ICE2: variants seen among roughly 807,000 people sequenced by gnomAD.
ICE2 encodes the protein interactor of little elongation complex ELL subunit 2.
A neutral mutation model predicts 105.4 loss-of-function variants in ICE2; 87 were observed. The ratio of observed to expected loss-of-function variants is 0.83; its 90% CI spans 0.69 to 0.99. ICE2 has a LOEUF of 0.99. ICE2 is among the 50% of genes least tolerant of loss of function. The probability of loss-of-function intolerance (pLI) is 0.00; values close to 1 mark genes in which losing one functional copy is unlikely to be tolerated. For synonymous variants in ICE2, 399 were observed against 392.0 expected (o/e 1.02, Z -0.21); for missense variants, 1,323 against 1,146.7 (o/e 1.15, Z -2.22).
chr15:60,427,056 G>A (rs1319046836), intron 15 of ICE2, among the ~76,000 whole-genome samples: 2 of 152,160 alleles, frequency 1.3e-5, no homozygotes, highest in African/African-American at 2.4e-5. Flanking sequence ...CTTGGCCAAA[G>A]CTAAGTAGGA....
intron 5 of ICE2, among the ~76,000 whole-genome samples, chr15:60,458,733 G>A (rs1022562463): frequency 8.6e-5 from 13 of 151,628 alleles, no homozygotes; most frequent in Admixed American, 1.3e-4. Context: ...ATACACACGC[G>A]CACACACAAA....
intron 11 of ICE2, among the ~76,000 whole-genome samples, chr15:60,443,288 A>T (rs2063758233): frequency 6.6e-6 from 1 of 152,226 alleles, no homozygotes; most frequent in Non-Finnish European, 1.5e-5. Context: ...GTCTATTTCC[A>T]GTTGCAGAAA....
At chr15:60,447,858 C>A in intron 11 of ICE2, 112 bp downstream of exon 11, 3 of 852,572 alleles carry the variant, frequency 3.5e-6, no homozygotes, top group Non-Finnish European at 5.4e-6. Context: ...CAAAACTCAA[C>A]CTGAAGATAC....
chr15:60,466,810 TAATTA>T lies in ICE2; in HGVS notation c.409-102_409-98del, dbSNP rs1475473239. On this transcript the variant is annotated intron_variant, in intron 4 of 15. Transcript: ENST00000261520. ...GCTATAATAATTTGGACTTAAAGAA[TAATTA>T]AAGTATCAAATCCAAAGCAGAAATC... The T allele has an allele frequency of 3.0e-6, 3 of 1,000,354 alleles. No homozygotes were observed. The African/African-American group carries it at 4.9e-5, about 16-fold the overall frequency. 62.0% of individuals were successfully genotyped at this position (1,000,354 alleles called of 1,614,324 possible).
At chr15:60,462,168 G>A (rs1271131005) in intron 5 of ICE2, among the ~76,000 whole-genome samples, 1 of 152,134 alleles carries the variant, frequency 6.6e-6, no homozygotes, top group African/African-American at 2.4e-5. Flanking sequence ...GTAAGGGAAA[G>A]CATATCTTTT....
At chr15:60,478,971 C>G (rs1344476462) in intron 1 of ICE2, 32 bp downstream of exon 1, 5 of 455,766 alleles carry the variant, frequency 1.1e-5, no homozygotes, top group Non-Finnish European at 2.2e-5. Flanking sequence ...CTCCCGTCCG[C>G]GTCTGGGCTG....
At chr15:60,476,225 G>C in intron 2 of ICE2, 58 bp from the exon 3 acceptor site, 1 of 1,043,058 alleles carries the variant, frequency 9.6e-7, no homozygotes, top group Admixed American at 2.2e-5. Context: ...GCTAGACTAT[G>C]ACACATAATG....
At chr15:60,432,340 A>C (rs1216020992) in intron 13 of ICE2, among the ~76,000 whole-genome samples, 1 of 151,748 alleles carries the variant, frequency 6.6e-6, no homozygotes, top group East Asian at 2.0e-4. Flanking sequence ...GGCATGCGCC[A>C]CCACACCAGG....
rs1359214744 is a variant in ICE2, at chr15:60,456,552, T to TA, written c.666+104dup. The TA allele has an allele frequency of 6.3e-5, 5 of 79,986 alleles. 1 individual carries two copies. The highest frequency in any genetic ancestry group is 1.3e-4 in the African/African-American group (3 of 23,626). 5.0% of individuals were successfully genotyped at this position (79,986 alleles called of 1,614,324 possible). A position where few individuals can be genotyped will look rare whatever the true frequency, so the allele number is the denominator to read the frequency against. On this transcript the variant is annotated intron_variant, in intron 6 of 15. Transcript: ENST00000261520. ...GAGACTCTGTCTCCAAAAAAAAAAA[T>TA]AAATAAATAAATAAATATATATATA... is the stretch of plus-strand genomic sequence containing the variant.
chr15:60,425,049 C>T (rs2063311735), intron 15 of ICE2, among the ~76,000 whole-genome samples: 1 of 152,148 alleles, frequency 6.6e-6, no homozygotes, highest in Admixed American at 6.6e-5. Flanking sequence ...TAGTGTAACT[C>T]CAAGCACTCT....
At chr15:60,431,881 T>A (rs2063468046) in intron 14 of ICE2, 53 bp downstream of exon 14, 1 of 1,015,768 alleles carries the variant, frequency 9.8e-7, no homozygotes, top group East Asian at 2.6e-5. Flanking sequence ...TTCTAAGAAT[T>A]TTCATCTAAG....
chr15:60,451,181 G>A, intron 9 of ICE2: 3 of 675,442 alleles, frequency 4.4e-6, no homozygotes, highest in Non-Finnish European at 5.5e-6. Context: ...ATGAGATACT[G>A]TCTCTAAGTA....
chr15:60,449,673 G>C lies in ICE2; in HGVS notation c.1294C>G (p.Pro432Ala), dbSNP rs146910394. 2.9e-5 allele frequency: 46 copies of C among 1,613,960 alleles called. No homozygotes were observed. The highest frequency in any genetic ancestry group is 3.8e-5 in the Non-Finnish European group (45 of 1,180,030). ...GTAGTTCCTGCTTTGGGGGCTGTAGGAGCATCTGTCATGTTAGGTACTGTG... is the reference window on the plus strand; with the variant it reads ...GTAGTTCCTGCTTTGGGGGCTGTAGCAGCATCTGTCATGTTAGGTACTGTG... Reference protein sequence around the residue: ...TSTVPNMTDAPTAPKAGTTTV... With the variant: ...TSTVPNMTDAATAPKAGTTTV... Residue 432 changes from proline (P) to alanine (A), a missense_variant, in exon 10 of 16, where the codon CCT (proline) becomes GCT (alanine). Transcript: ENST00000261520.
intron 3 of ICE2, among the ~76,000 whole-genome samples, chr15:60,474,137 A>G (rs1293949368): frequency 6.6e-6 from 1 of 152,076 alleles, no homozygotes; most frequent in Non-Finnish European, 1.5e-5. Flanking sequence ...GCCTCAAGTC[A>G]TCTTCCTGCC....
intron 6 of ICE2, among the ~76,000 whole-genome samples, chr15:60,456,030 CA>C (rs1252464787): frequency 3.3e-5 from 5 of 151,800 alleles, no homozygotes; most frequent in African/African-American, 1.2e-4. Flanking sequence ...CACTTATTTC[CA>C]ATATGTTTGT....
chr15:60,475,473 A>G (rs1033229328), intron 3 of ICE2, among the ~76,000 whole-genome samples: 1 of 152,214 alleles, frequency 6.6e-6, no homozygotes, highest in African/African-American at 2.4e-5. Flanking sequence ...AAAAAAGAAG[A>G]AAAGGGAACA....
rs1195688308 is a variant in ICE2, at chr15:60,455,225, CA to C, written c.784-64del. 8 of 1,525,082 alleles carry C rather than the reference CA, an allele frequency of 5.2e-6. No individual in the cohort carries two copies. In the African/African-American group the frequency reaches 8.4e-5, roughly 16 times the overall value. 94.5% of individuals were successfully genotyped at this position (1,525,082 alleles called of 1,614,324 possible). A position where few individuals can be genotyped will look rare whatever the true frequency, so the allele number is the denominator to read the frequency against. ...TATTGAAAATTTCTTCAATAAAGAA[CA>C]AAAAAAGTCAGAAAGGGGACTTTGG... On this transcript the variant is annotated intron_variant, in intron 7 of 15. Coordinates refer to ENST00000261520, the MANE Select transcript of ICE2 (RefSeq NM_024611.6).
At chr15:60,451,496 G>C (rs904311599) in intron 9 of ICE2, 4 of 984,504 alleles carry the variant, frequency 4.1e-6, no homozygotes, top group Non-Finnish European at 4.8e-6. Context: ...CAAATTGTTG[G>C]ACCACAGAAA....
rs559464646 is a variant in ICE2 at position 60,437,456 on chromosome 15, C to T, written c.2426-1229G>A. 3.6e-3 allele frequency among the ~76,000 whole-genome samples: 539 copies of T among 151,088 alleles called. 2 individuals carry two copies. Among genetic ancestry groups the T allele is most frequent in the Non-Finnish European group, 5.3e-3 (358 of 67,720 alleles). Reference sequence around the variant, plus strand: ...TTCAAGCGATCCTGCCTCAGCCTGCCGAGTAGATGGGATTACAGGTGCCCA... The same window carrying T: ...TTCAAGCGATCCTGCCTCAGCCTGCTGAGTAGATGGGATTACAGGTGCCCA... On this transcript the variant is annotated intron_variant, in intron 12 of 15. Transcript: ENST00000261520.
Sources: gnomAD v4.1 joint callset for allele counts (sites outside exome capture counted in the v4.1 genomes callset) on GRCh38, gnomAD v4.1.1 for gene constraint, MANE v1.5 for transcripts, NCBI Gene and HGNC (gene_info 2026-07-23, HGNC 2026-07-21) for gene names.